The following HIVEP3 variants were observed in gnomAD, a reference collection of about 807,000 sequenced individuals.
HIVEP3 encodes the protein HIVEP zinc finger 3.
In HIVEP3, 49 loss-of-function variants were observed where a neutral mutation model predicts 152.8. The ratio of observed to expected loss-of-function variants is 0.32; its 90% confidence interval spans 0.26 to 0.41. The LOEUF is 0.41. Among genes scored for constraint, HIVEP3 ranks in the 10% least tolerant of loss-of-function variants. The probability of loss-of-function intolerance (pLI) is 1.00; values close to 1 mark genes in which losing one functional copy is unlikely to be tolerated. For missense variants in HIVEP3, 2,790 were observed against 3,103.3 expected (o/e 0.90, Z 2.40); for synonymous variants, 1,269 against 1,289.0 (o/e 0.98, Z 0.33).
intron 1 of HIVEP3, among the ~76,000 whole-genome samples, chr1:42,016,961 C>T (rs1645526642): frequency 6.6e-6 from 1 of 152,068 alleles, no homozygotes; most frequent in African/African-American, 2.4e-5. Flanking sequence ...ATTTTAAAGT[C>T]CTCCAAAAAT....
intron 1 of HIVEP3, among the ~76,000 whole-genome samples, chr1:41,834,715 A>G (rs1158203309): frequency 1.3e-5 from 2 of 152,194 alleles, no homozygotes; most frequent in East Asian, 3.8e-4. Context: ...GACTTCATAG[A>G]GCTTATTTTC....
intron 2 of HIVEP3, among the ~76,000 whole-genome samples, chr1:41,666,979 A>G (rs1570266581): frequency 6.6e-6 from 1 of 151,300 alleles, no homozygotes; most frequent in South Asian, 2.1e-4. Flanking sequence ...TTTTCCCCTC[A>G]CCCATCTGCT....
At chr1:41,588,550 C>T (rs534942726) in intron 3 of HIVEP3, among the ~76,000 whole-genome samples, 1 of 152,260 alleles carries the variant, frequency 6.6e-6, no homozygotes, top group South Asian at 2.1e-4. Flanking sequence ...ATGAAGGAGA[C>T]AGTCAGATGA....
rs556536111 is a variant in HIVEP3 at position 41,886,643 on chromosome 1, C to T, written c.-801+31770G>A. On this transcript the variant is annotated intron_variant, in intron 1 of 8. Coordinates refer to ENST00000372583, the MANE Select transcript of HIVEP3 (RefSeq NM_024503.5). ...AGGAGAATTGCTTGAACCTGGGAGG[C>T]GGAGGTTGTGGTGAGCTGAGATCGC... Among the ~76,000 whole-genome samples the T allele has an allele frequency of 6.7e-5, 9 of 134,114 alleles. No homozygotes were observed. The South Asian group carries it at 2.1e-3, about 31-fold the overall frequency. 88.0% of individuals were successfully genotyped at this position (134,114 alleles called of 152,430 possible).
chr1:41,592,936 G>A (rs892721574), intron 3 of HIVEP3, among the ~76,000 whole-genome samples: 3 of 152,154 alleles, frequency 2.0e-5, no homozygotes, highest in African/African-American at 4.8e-5. Context: ...CCCTGGCCAG[G>A]TCCTGACCTG....
intron 1 of HIVEP3, among the ~76,000 whole-genome samples, chr1:41,715,367 A>G (rs1293389095): frequency 1.3e-5 from 2 of 152,134 alleles, no homozygotes; most frequent in Non-Finnish European, 2.9e-5. Context: ...CTGGTGAGAC[A>G]TGCCAGGTCC....
Position 41,512,873 on chromosome 1 carries a change from G to A in HIVEP3, c.6348C>T (p.Pro2116=), listed in dbSNP as rs143052072. Reference sequence around the variant, plus strand: ...TGAGGAGCTTGTGAGGTAGAGGCGCGGGCGGGAAGAGAACCCGTGGGTCCA... The same window carrying A: ...TGAGGAGCTTGTGAGGTAGAGGCGCAGGCGGGAAGAGAACCCGTGGGTCCA... ...LGLDPRVLFP[P]APLPHKLLSR... is the part of the protein sequence containing the mutation. The change falls in exon 8 of 9, where the codon CCC becomes CCT. Residue 2116 remains proline (P), a synonymous_variant. Coordinates refer to ENST00000372583, the MANE Select transcript of HIVEP3 (RefSeq NM_024503.5). The A allele has an allele frequency of 2.3e-5, 36 of 1,554,282 alleles. No individual in the cohort carries two copies. Among genetic ancestry groups the A allele is most frequent in the East Asian group, 4.8e-5 (2 of 41,628 alleles).
intron 1 of HIVEP3, among the ~76,000 whole-genome samples, chr1:41,776,454 G>A (rs1020547353): frequency 6.6e-6 from 1 of 152,244 alleles, no homozygotes; most frequent in Non-Finnish European, 1.5e-5. Flanking sequence ...CTGGGTCCTT[G>A]AGATAATCTC....
At chr1:41,531,011 G>A (rs74412253) in intron 5 of HIVEP3, among the ~76,000 whole-genome samples, 10,103 of 152,122 alleles carry the variant, frequency 0.066, 1,119 homozygotes, top group African/African-American at 0.23. Flanking sequence ...GTGAGGCCAG[G>A]GATGACAGGA....
intron 5 of HIVEP3, among the ~76,000 whole-genome samples, chr1:41,544,775 T>TACC (rs1643646510): frequency 1.3e-5 from 1 of 74,262 alleles, no homozygotes; most frequent in African/African-American, 5.8e-5. Context: ...CCACTACCAC[T>TACC]ACCTCTACCT....
chr1:41,619,278 A>C (rs1645012893), intron 3 of HIVEP3, among the ~76,000 whole-genome samples: 1 of 152,088 alleles, frequency 6.6e-6, no homozygotes, highest in Non-Finnish European at 1.5e-5. Flanking sequence ...ACCCGTCCTG[A>C]CTGCCTGATT....
intron 1 of HIVEP3, among the ~76,000 whole-genome samples, chr1:41,768,868 G>A (rs567504262): frequency 1.3e-5 from 2 of 152,350 alleles, no homozygotes; most frequent in Middle Eastern, 3.4e-3. Context: ...AAGTATTTCA[G>A]TGCAATCTGA....
chr1:41,641,709 A>G (rs537911427), intron 2 of HIVEP3, among the ~76,000 whole-genome samples: 5 of 152,300 alleles, frequency 3.3e-5, no homozygotes, highest in Non-Finnish European at 5.9e-5. Flanking sequence ...CACTGCTTAC[A>G]GGGGGTGACA....
chr1:41,656,487 T>C (rs1337131935), intron 2 of HIVEP3, among the ~76,000 whole-genome samples: 1 of 152,144 alleles, frequency 6.6e-6, no homozygotes, highest in Non-Finnish European at 1.5e-5. Context: ...TGCCCGCCTT[T>C]CACCAAGGAA....
chr1:41,652,459 A>G (rs1273500537), intron 2 of HIVEP3, among the ~76,000 whole-genome samples: 1 of 152,086 alleles, frequency 6.6e-6, no homozygotes, highest in African/African-American at 2.4e-5. Flanking sequence ...GAGGAGAAGG[A>G]TTTGGCATGG....
chr1:41,546,129 G>T (rs189342391), intron 5 of HIVEP3, among the ~76,000 whole-genome samples: 1 of 152,226 alleles, frequency 6.6e-6, no homozygotes, highest in African/African-American at 2.4e-5. Context: ...TGCAGATGGG[G>T]TGGAGGGTGG....
At chr1:41,814,663 C>A (rs1351239152) in intron 1 of HIVEP3, among the ~76,000 whole-genome samples, 1 of 152,198 alleles carries the variant, frequency 6.6e-6, no homozygotes, top group Non-Finnish European at 1.5e-5. Context: ...AATTACTATT[C>A]ATTTATGACC....
intron 3 of HIVEP3, among the ~76,000 whole-genome samples, chr1:41,609,054 C>T (rs911499890): frequency 3.1e-4 from 47 of 149,548 alleles, no homozygotes; most frequent in African/African-American, 1.2e-3. Context: ...AGTGAAACTC[C>T]GTCTCAATAA....
rs1646564877 is a variant in HIVEP3 at position 41,714,765 on chromosome 1, C to T, written c.-800-13770G>A. 3.9e-5 allele frequency among the ~76,000 whole-genome samples: 6 copies of T among 152,316 alleles called. No homozygotes were observed. The South Asian group carries it at 1.0e-3, about 26-fold the overall frequency. Reference sequence around the variant, plus strand: ...TTGCTGAAGCTGAAAAAATTAACTGCTATATTTAAAAGCATTGTTCAGTTG... The same window carrying T: ...TTGCTGAAGCTGAAAAAATTAACTGTTATATTTAAAAGCATTGTTCAGTTG... On this transcript the variant is annotated intron_variant, in intron 1 of 8. Transcript: ENST00000372583.
Sources: allele counts gnomAD v4.1 joint callset (sites outside exome capture counted in the v4.1 genomes callset), GRCh38; gene constraint gnomAD v4.1.1; transcripts MANE v1.5; gene names NCBI Gene and HGNC (gene_info 2026-07-23, HGNC 2026-07-21).